The following NRXN1 variants were observed in gnomAD, a reference collection of about 807,000 sequenced individuals.
The protein encoded by NRXN1 is neurexin-1.
NRXN1 carries 39 observed loss-of-function variants against 150.9 expected under a neutral mutation model. The ratio of observed to expected loss-of-function variants is 0.26; its 90% CI spans 0.20 to 0.34. The LOEUF (loss-of-function observed/expected upper bound fraction) is 0.34, where lower values mean the gene tolerates loss of function less well. Ranked by LOEUF, NRXN1 falls within the 10% of genes least tolerant of loss-of-function variation. NRXN1 has a pLI of 1.00. For synonymous variants in NRXN1, 924 were observed against 757.0 expected, an observed-to-expected ratio of 1.22 and a Z score of -3.62; for missense variants, 1,815 against 1,949.9, an observed-to-expected ratio of 0.93 and a Z score of 1.30.
intron 17 of NRXN1, among the ~76,000 whole-genome samples, chr2:50,449,894 A>C (rs955848867): frequency 1.3e-5 from 2 of 152,232 alleles, no homozygotes; most frequent in Middle Eastern, 3.4e-3. Context: ...ACCCTGCAAG[A>C]TCTGTAATTG....
intron 5 of NRXN1, among the ~76,000 whole-genome samples, chr2:50,752,696 T>C (rs557997654): frequency 1.9e-4 from 29 of 149,654 alleles, no homozygotes; most frequent in African/African-American, 6.9e-4. Context: ...CACAACACCA[T>C]GATAAAAGTG....
intron 5 of NRXN1, among the ~76,000 whole-genome samples, chr2:50,669,261 G>C (rs548639745): frequency 1.1e-4 from 16 of 151,996 alleles, no homozygotes; most frequent in African/African-American, 3.9e-4. Flanking sequence ...ATTAAGTGAG[G>C]TAGCAAAAAA....
Position 50,195,618 on chromosome 2 carries a change from G to T in NRXN1, c.3546+41171C>A, listed in dbSNP as rs1194288931. 2.0e-5 allele frequency among the ~76,000 whole-genome samples: 3 copies of T among 152,178 alleles called. No homozygotes were observed. In the South Asian group the frequency reaches 6.2e-4, roughly 32 times the overall value. On this transcript the variant is annotated intron_variant, in intron 18 of 22. Transcript: ENST00000401669. ...AAAGACAGCCTTCTCCACTGGCATT[G>T]CTTTTGATTGTCACTCTCCTCCCTC...
intron 5 of NRXN1, among the ~76,000 whole-genome samples, chr2:50,736,402 G>C (rs4971691): frequency 0.046 from 6,948 of 152,064 alleles, 410 homozygotes; most frequent in East Asian, 0.22. Flanking sequence ...GCAATTTTGT[G>C]TGTGTTTGTG....
chr2:50,320,541 T>C (rs945742767), intron 17 of NRXN1, among the ~76,000 whole-genome samples: 16 of 151,674 alleles, frequency 1.1e-4, no homozygotes, highest in Admixed American at 2.6e-4. Context: ...ACACAGAAGT[T>C]CAAAGCACAG....
intron 5 of NRXN1, among the ~76,000 whole-genome samples, chr2:50,865,285 C>T (rs964877393): frequency 4.0e-5 from 6 of 151,844 alleles, no homozygotes; most frequent in African/African-American, 1.2e-4. Flanking sequence ...CCCTTGCTAT[C>T]CTGTAATTTA....
At chr2:50,831,983 T>G (rs1007055954) in intron 5 of NRXN1, among the ~76,000 whole-genome samples, 4 of 152,152 alleles carry the variant, frequency 2.6e-5, no homozygotes, top group African/African-American at 4.8e-5. Flanking sequence ...TTGGAAGGCT[T>G]TAAATAATAA....
At chr2:50,814,333 T>C (rs1026949439) in intron 5 of NRXN1, among the ~76,000 whole-genome samples, 5 of 152,108 alleles carry the variant, frequency 3.3e-5, no homozygotes, top group African/African-American at 1.2e-4. Flanking sequence ...AATTATAAAA[T>C]GTGGTTCACA....
At chr2:50,952,328 A>T (rs1575036692) in intron 2 of NRXN1, among the ~76,000 whole-genome samples, 1 of 152,304 alleles carries the variant, frequency 6.6e-6, no homozygotes, top group African/African-American at 2.4e-5. Flanking sequence ...TCTCACACAT[A>T]CAAATACAAG....
chr2:50,253,991 A>G (rs2067429537), intron 17 of NRXN1, among the ~76,000 whole-genome samples: 1 of 151,960 alleles, frequency 6.6e-6, no homozygotes, highest in Non-Finnish European at 1.5e-5. Context: ...AAGAAATGGT[A>G]CCAGCTCCCC....
At chr2:50,195,272 T>C (rs1252647593) in intron 18 of NRXN1, among the ~76,000 whole-genome samples, 2 of 152,182 alleles carry the variant, frequency 1.3e-5, no homozygotes, top group Admixed American at 1.3e-4. Context: ...CAGCGATCAC[T>C]TCAAAGATCA....
intron 17 of NRXN1, among the ~76,000 whole-genome samples, chr2:50,365,777 C>T (rs1411840071): frequency 4.6e-5 from 7 of 151,948 alleles, no homozygotes; most frequent in African/African-American, 1.2e-4. Context: ...CCTATATAGA[C>T]AGTAAGAACA....
chr2:50,752,624 T>C (rs1462691470), intron 5 of NRXN1, among the ~76,000 whole-genome samples: 2 of 151,824 alleles, frequency 1.3e-5, no homozygotes, highest in African/African-American at 4.8e-5. Context: ...AAAGCTTTCA[T>C]TAATTTAAAT....
At chr2:50,245,956 T>C (rs1168786449) in intron 17 of NRXN1, among the ~76,000 whole-genome samples, 2 of 151,918 alleles carry the variant, frequency 1.3e-5, no homozygotes, top group African/African-American at 4.8e-5. Flanking sequence ...TAAGCTCAAA[T>C]GACTAATTCT....
chr2:50,782,408 G>C (rs1335253348), intron 5 of NRXN1, among the ~76,000 whole-genome samples: 1 of 152,008 alleles, frequency 6.6e-6, no homozygotes, highest in African/African-American at 2.4e-5. Flanking sequence ...AAAAGGGGTT[G>C]CAGTGAGCCG....
At chr2:50,696,488 G>C (rs573727088) in intron 5 of NRXN1, among the ~76,000 whole-genome samples, 1 of 152,244 alleles carries the variant, frequency 6.6e-6, no homozygotes, top group African/African-American at 2.4e-5. Flanking sequence ...GCTAAAGAAG[G>C]TCGTGATAAG....
chr2:50,115,408 C>T (rs1285584453), intron 18 of NRXN1, among the ~76,000 whole-genome samples: 1 of 151,722 alleles, frequency 6.6e-6, no homozygotes, highest in African/African-American at 2.4e-5. Context: ...TTCTTCAGCA[C>T]AAACTGATTT....
chr2:50,662,710 G>T (rs1182548134), intron 5 of NRXN1, among the ~76,000 whole-genome samples: 1 of 151,944 alleles, frequency 6.6e-6, no homozygotes, highest in African/African-American at 2.4e-5. Flanking sequence ...CTTGTTTAGG[G>T]CATCAAGTAG....
intron 8 of NRXN1, among the ~76,000 whole-genome samples, chr2:50,607,820 G>A (rs1315141699): frequency 6.6e-6 from 1 of 151,510 alleles, no homozygotes; most frequent in African/African-American, 2.4e-5. Flanking sequence ...TAATGGTCAT[G>A]GGCTTAGGTC....
Sources: allele counts gnomAD v4.1 joint callset (sites outside exome capture counted in the v4.1 genomes callset), GRCh38; gene constraint gnomAD v4.1.1; transcripts MANE v1.5; gene names NCBI Gene and HGNC (gene_info 2026-07-23, HGNC 2026-07-21).